MECR: variants seen among roughly 807,000 people sequenced by gnomAD.
The protein encoded by MECR is enoyl-[acyl-carrier-protein] reductase, mitochondrial.
MECR carries 37 observed loss-of-function variants against 49.1 expected under a neutral mutation model. The observed-to-expected ratio is 0.75, with a 90% CI of 0.58 to 0.99. The LOEUF is 0.99. MECR is among the 50% of genes least tolerant of loss of function. MECR has a pLI of 0.00. For missense variants in MECR, 470 were observed against 479.6 expected, an observed-to-expected ratio of 0.98 and a Z score of 0.19; for synonymous variants, 198 against 191.1, an observed-to-expected ratio of 1.04 and a Z score of -0.30.
Position 29,216,689 on chromosome 1 carries a change from A to G in MECR, c.177-4T>C. On this transcript the variant is annotated splice_region_variant and splice_polypyrimidine_tract_variant and intron_variant, in intron 1 of 9. Transcript: ENST00000263702. ...AGCTAGCTCCAGGTTCTTGAGTCTA[A>G]GCACAAAGCCAAACGGAGATGTTCA... The G allele has an allele frequency of 6.2e-7, 1 of 1,614,242 alleles. No homozygotes were observed. The highest frequency in any genetic ancestry group is 2.2e-5 in the East Asian group (1 of 44,888).
Position 29,194,018 on chromosome 1 carries a change from A to T in MECR, c.*4T>A, listed in dbSNP as rs1381976384. On this transcript the variant is annotated 3_prime_UTR_variant, in exon 10 of 10. Transcript: ENST00000263702. ...CCCATGTCACTCCAGCTCTTTTGGG[A>T]TGATCACATGGTGAGAATCTGCTTT... 1.2e-6 allele frequency: 2 copies of T among 1,613,966 alleles called. No individual in the cohort carries two copies. The highest frequency in any genetic ancestry group is 1.1e-5 in the South Asian group (1 of 91,080).
chr1:29,215,312 G>A (rs1436338334), intron 3 of MECR, among the ~76,000 whole-genome samples: 2 of 152,206 alleles, frequency 1.3e-5, no homozygotes, highest in African/African-American at 4.8e-5. Flanking sequence ...CGGCACAGTG[G>A]CTCATGCCTG....
At chr1:29,216,212 T>C (rs896681304) in intron 2 of MECR, 76 bp from the exon 3 acceptor site, 1 of 1,562,430 alleles carries the variant, frequency 6.4e-7, no homozygotes, top group Admixed American at 1.7e-5. Flanking sequence ...GTCCACGCCA[T>C]CCTAGGCCTG....
chr1:29,181,861 G>A, the MECR span: 8 of 907,210 alleles, frequency 8.8e-6, no homozygotes, highest in Admixed American at 4.3e-5. Context: ...CGGGCGGCGG[G>A]ACGGACGCAG....
the MECR span, among the ~76,000 whole-genome samples, chr1:29,177,212 T>C: frequency 6.6e-6 from 1 of 151,866 alleles, no homozygotes; most frequent in Non-Finnish European, 1.5e-5. Flanking sequence ...AAACAAGTGC[T>C]GCTAATATTG....
In MECR at chr1:29,193,974, CCT is replaced by C. The variant is rs2151838518; in HGVS notation, c.*46_*47del. 6.2e-7 allele frequency: 1 copy of C among 1,610,414 alleles called. No homozygotes were observed. Among genetic ancestry groups the C allele is most frequent in the East Asian group, 2.2e-5 (1 of 44,838 alleles). The stretch of plus-strand genomic sequence containing the variant: ...CCAACTGAGGGGCCTGCACCCAGCC[CCT>C]CAGATCCGCCTCCCCTCCCATGTCA... On this transcript the variant is annotated 3_prime_UTR_variant, in exon 10 of 10. Coordinates refer to ENST00000263702, the MANE Select transcript of MECR (RefSeq NM_016011.5).
chr1:29,175,066 C>CT, the MECR span, among the ~76,000 whole-genome samples: 1 of 149,892 alleles, frequency 6.7e-6, no homozygotes, highest in Non-Finnish European at 1.5e-5. Context: ...AAAAGTAAAA[C>CT]TAAAAAACCC....
downstream of MECR, among the ~76,000 whole-genome samples, chr1:29,187,811 T>C (rs948757171): frequency 4.7e-5 from 7 of 149,500 alleles, no homozygotes; most frequent in African/African-American, 1.7e-4. Context: ...CCCAGGTGGG[T>C]GGATCATGAG....
the MECR span, chr1:29,171,324 C>T: frequency 6.6e-6 from 1 of 150,788 alleles, no homozygotes; most frequent in Non-Finnish European, 1.5e-5. Context: ...CCTGAACTAC[C>T]CTCTCACCCT....
the MECR span, among the ~76,000 whole-genome samples, chr1:29,176,993 A>T: frequency 7.2e-6 from 1 of 138,028 alleles, no homozygotes; most frequent in Non-Finnish European, 1.7e-5. Context: ...CAGGCAAAAT[A>T]ATCTTAATAT....
chr1:29,175,462 G>A, the MECR span, among the ~76,000 whole-genome samples: 4 of 151,258 alleles, frequency 2.6e-5, no homozygotes, highest in African/African-American at 7.3e-5. Flanking sequence ...TTGGGAGGCC[G>A]AGGCGGGTGG....
At chr1:29,169,655 A>G in the MECR span, 1 of 152,214 alleles carries the variant, frequency 6.6e-6, no homozygotes, top group East Asian at 1.9e-4. Flanking sequence ...GGAAAATTAA[A>G]CTCATGATCC....
chr1:29,200,493 A>G, intron 7 of MECR, 23 bp downstream of exon 7: 3 of 1,607,084 alleles, frequency 1.9e-6, no homozygotes, highest in Non-Finnish European at 2.6e-6. Flanking sequence ...GGCGAGCTGG[A>G]CCTGCAGGCC....
chr1:29,181,556 G>A, the MECR span: 9 of 1,160,510 alleles, frequency 7.8e-6, no homozygotes, highest in Middle Eastern at 2.0e-4. Flanking sequence ...CGCTCCGCGC[G>A]GACCAGGCGT....
At chr1:29,200,856 A>C (rs1470383219) in intron 6 of MECR, among the ~76,000 whole-genome samples, 1 of 151,992 alleles carries the variant, frequency 6.6e-6, no homozygotes, top group Non-Finnish European at 1.5e-5. Flanking sequence ...TGGTGCAATC[A>C]TGGCTCACTG....
chr1:29,220,547 C>A (rs548701957), intron 1 of MECR, among the ~76,000 whole-genome samples: 1 of 152,178 alleles, frequency 6.6e-6, no homozygotes, highest in African/African-American at 2.4e-5. Flanking sequence ...TGGAGATTAT[C>A]CTTAAGAGCA....
At chr1:29,208,603 G>C (rs958700978) in intron 3 of MECR, among the ~76,000 whole-genome samples, 3 of 152,116 alleles carry the variant, frequency 2.0e-5, no homozygotes, top group Admixed American at 2.0e-4. Flanking sequence ...ATCGAACATC[G>C]ACTTTGAACC....
At chr1:29,229,277 A>T (rs113652441) in intron 1 of MECR, among the ~76,000 whole-genome samples, 17,620 of 150,590 alleles carry the variant, frequency 0.12, 1,372 homozygotes, top group East Asian at 0.41. Flanking sequence ...ATCTCGACTC[A>T]CTGCAACCTC....
At chr1:29,217,211 GTTT>G (rs796559272) in intron 1 of MECR, among the ~76,000 whole-genome samples, 2 of 121,514 alleles carry the variant, frequency 1.6e-5, no homozygotes. Flanking sequence ...AACCCACAGT[GTTT>G]TTTTTTTTTT....
Sources: allele counts gnomAD v4.1 joint callset (sites outside exome capture counted in the v4.1 genomes callset), GRCh38; gene constraint gnomAD v4.1.1; transcripts MANE v1.5; gene names NCBI Gene and HGNC (gene_info 2026-07-23, HGNC 2026-07-21).